ZNF385D: variants seen among roughly 807,000 people sequenced by gnomAD.
The protein encoded by ZNF385D is zinc finger protein 659.
A neutral mutation model predicts 35.8 loss-of-function variants in ZNF385D; 15 were observed. The ratio of observed to expected loss-of-function variants is 0.42; its 90% CI spans 0.28 to 0.64. The LOEUF (loss-of-function observed/expected upper bound fraction) is 0.64. Ranked by LOEUF, ZNF385D falls within the 30% of genes least tolerant of loss-of-function variation. The pLI, the probability that ZNF385D is intolerant of heterozygous loss-of-function variation, is 0.23. For synonymous variants in ZNF385D, 212 were observed against 186.8 expected (o/e 1.13, Z -1.10); for missense variants, 474 against 494.6 (o/e 0.96, Z 0.39).
intron 3 of ZNF385D, among the ~76,000 whole-genome samples, chr3:21,965,423 G>C (rs1006382180): frequency 6.6e-6 from 1 of 152,042 alleles, no homozygotes; most frequent in African/African-American, 2.4e-5. Flanking sequence ...GTGCCAGAGC[G>C]TACAGTAAGT....
intron 2 of ZNF385D, among the ~76,000 whole-genome samples, chr3:22,191,135 T>C (rs1222421099): frequency 2.7e-5 from 4 of 150,298 alleles, no homozygotes; most frequent in Admixed American, 6.7e-5. Flanking sequence ...CTATTGTTAA[T>C]TGGGTTAAAT....
intron 3 of ZNF385D, among the ~76,000 whole-genome samples, chr3:21,968,942 C>A (rs1261524522): frequency 6.6e-6 from 1 of 152,178 alleles, no homozygotes; most frequent in Non-Finnish European, 1.5e-5. Context: ...CCTGGCCAAG[C>A]TGCTGGATGA....
chr3:21,546,064 AT>A (rs199722165), intron 3 of ZNF385D, among the ~76,000 whole-genome samples: 3 of 151,040 alleles, frequency 2.0e-5, no homozygotes, highest in Non-Finnish European at 3.0e-5. Flanking sequence ...GTCCTATCAT[AT>A]TTTTTTTTTG....
intron 2 of ZNF385D, among the ~76,000 whole-genome samples, chr3:22,274,984 C>T (rs920793305): frequency 1.3e-5 from 2 of 151,860 alleles, no homozygotes; most frequent in East Asian, 3.9e-4. Context: ...TTGTATATAC[C>T]ACAGATCAAT....
intron 3 of ZNF385D, among the ~76,000 whole-genome samples, chr3:22,099,950 T>C (rs747335756): frequency 1.7e-4 from 26 of 152,022 alleles, no homozygotes; most frequent in Non-Finnish European, 3.4e-4. Flanking sequence ...TCTTGAGATA[T>C]TTTAAAAAAT....
chr3:21,777,994 C>A (rs1293231546), intron 3 of ZNF385D, among the ~76,000 whole-genome samples: 1 of 151,852 alleles, frequency 6.6e-6, no homozygotes, highest in Non-Finnish European at 1.5e-5. Context: ...AGATGATATG[C>A]AGTGTGTCTC....
rs767561174 is a variant in ZNF385D at position 21,420,590 on chromosome 3, T to G, written c.*624A>C. 1 of 152,260 alleles carries G rather than the reference T, an allele frequency of 6.6e-6. No individual in the cohort carries two copies. Among genetic ancestry groups the G allele is most frequent in the African/African-American group, 2.4e-5 (1 of 41,458 alleles). The allele number at this position is 152,260 out of a possible 1,614,324, so 9.4% of individuals were successfully genotyped here. ...GTATGTTTATTTTTTGACTGCTTATTGGTATGAAATAGTTGTTCATTCTAC... is the reference window on the plus strand; with the variant it reads ...GTATGTTTATTTTTTGACTGCTTATGGGTATGAAATAGTTGTTCATTCTAC... On this transcript the variant is annotated 3_prime_UTR_variant, in exon 8 of 8. Coordinates refer to ENST00000281523, the MANE Select transcript of ZNF385D (RefSeq NM_024697.3).
In ZNF385D at chr3:22,287,150, GTTTT is replaced by G. The variant is rs564974728; in HGVS notation, c.106+85296_106+85299del. 7.8e-3 allele frequency among the ~76,000 whole-genome samples: 1,192 copies of G among 151,926 alleles called. 6 individuals carry two copies. Among genetic ancestry groups the G allele is most frequent in the Non-Finnish European group, 0.012 (787 of 67,862 alleles). ...ATGGCCTTCTTTTTCTTTTGTGACAGTTTTTTTACTTAAAGCTTACGTTGTCTAA... is the reference window on the plus strand; with the variant it reads ...ATGGCCTTCTTTTTCTTTTGTGACAGTTTACTTAAAGCTTACGTTGTCTAA... On this transcript the variant is annotated intron_variant, in intron 2 of 5. Coordinates refer to the ZNF385D transcript ENST00000494108.
At chr3:22,191,128 T>C (rs1322531830) in intron 2 of ZNF385D, among the ~76,000 whole-genome samples, 2 of 150,736 alleles carry the variant, frequency 1.3e-5, no homozygotes, top group East Asian at 2.0e-4. Context: ...GCTTTTTCTA[T>C]TGTTAATTGG....
intron 2 of ZNF385D, among the ~76,000 whole-genome samples, chr3:21,568,392 A>G (rs182006952): frequency 2.2e-4 from 34 of 152,264 alleles, no homozygotes; most frequent in African/African-American, 7.2e-4. Flanking sequence ...TTTATTTACT[A>G]TTATAATCAA....
intron 4 of ZNF385D, among the ~76,000 whole-genome samples, chr3:21,450,308 T>C (rs950031238): frequency 6.6e-6 from 1 of 152,162 alleles, no homozygotes; most frequent in African/African-American, 2.4e-5. Context: ...TTTTTCTTTT[T>C]TCCTCCTCCT....
intron 1 of ZNF385D, among the ~76,000 whole-genome samples, chr3:21,684,369 T>TC (rs1458098687): frequency 1.0e-4 from 4 of 39,234 alleles, no homozygotes; most frequent in African/African-American, 4.1e-4. Context: ...TGTTCTCCTC[T>TC]CTCTCTCTCT....
chr3:21,421,321 G>A lies in ZNF385D; in HGVS notation c.1081C>T (p.Pro361Ser), dbSNP rs751519765. ...VSSPFSLRTA[P>S]AATLFQTSAL... ...GAAGTCTGGAACAGTGTTGCTGCTG[G>A]AGCAGTTCGAAGACTGAAGGGGGAA... Residue 361 changes from proline (P) to serine (S), a missense_variant, in exon 8 of 8, where the codon CCA becomes TCA. Pro to Ser is a moderately conservative substitution (Grantham distance 74, BLOSUM62 -1). Coordinates refer to ENST00000281523, the MANE Select transcript of ZNF385D (RefSeq NM_024697.3). The A allele has an allele frequency of 8.1e-6, 13 of 1,613,956 alleles. No individual in the cohort carries two copies. In the Admixed American group the frequency reaches 2.2e-4, roughly 27 times the overall value.
At chr3:21,431,657 A>T (rs1701298459) in intron 5 of ZNF385D, among the ~76,000 whole-genome samples, 1 of 152,158 alleles carries the variant, frequency 6.6e-6, no homozygotes, top group Non-Finnish European at 1.5e-5. Context: ...GGGAGTTATG[A>T]GGCTGTTTTC....
chr3:21,500,649 C>T (rs1282810633), intron 4 of ZNF385D, among the ~76,000 whole-genome samples: 5 of 152,160 alleles, frequency 3.3e-5, no homozygotes, highest in Non-Finnish European at 7.3e-5. Context: ...AGAACATACA[C>T]ACCTTGCTTT....
At chr3:22,133,677 A>G (rs1703936787) in intron 3 of ZNF385D, 1 of 152,022 alleles carries the variant, frequency 6.6e-6, no homozygotes, top group African/African-American at 2.4e-5. Context: ...TAGACAAAAT[A>G]TATCAAGCAA....
intron 1 of ZNF385D, among the ~76,000 whole-genome samples, chr3:21,697,270 G>A (rs1038869282): frequency 6.6e-6 from 1 of 152,092 alleles, no homozygotes; most frequent in Admixed American, 6.5e-5. Flanking sequence ...ATACAACAGT[G>A]AATAACATAG....
chr3:21,430,313 T>A (rs1028429786), intron 5 of ZNF385D, among the ~76,000 whole-genome samples: 1 of 152,190 alleles, frequency 6.6e-6, no homozygotes, highest in East Asian at 1.9e-4. Context: ...CAGTAATATA[T>A]CCAAAGTCCA....
At chr3:22,118,624 G>T (rs1163860033) in intron 3 of ZNF385D, among the ~76,000 whole-genome samples, 1 of 151,866 alleles carries the variant, frequency 6.6e-6, no homozygotes, top group Non-Finnish European at 1.5e-5. Flanking sequence ...TCGGTAAGAG[G>T]TTAGGGAAAT....
Sources: allele counts gnomAD v4.1 joint callset (sites outside exome capture counted in the v4.1 genomes callset), GRCh38; gene constraint gnomAD v4.1.1; transcripts MANE v1.5; gene names NCBI Gene and HGNC (gene_info 2026-07-23, HGNC 2026-07-21).